ROBO2: variants seen among roughly 807,000 people sequenced by gnomAD.
ROBO2 encodes the protein roundabout homolog 2.
A neutral mutation model predicts 160.8 loss-of-function variants in ROBO2; 53 were observed. The ratio of observed to expected loss-of-function variants is 0.33; its 90% CI spans 0.26 to 0.41. The LOEUF is 0.41. Ranked by LOEUF, ROBO2 falls within the 10% of genes least tolerant of loss-of-function variation. The pLI, the probability that ROBO2 is intolerant of heterozygous loss-of-function variation, is 1.00. For missense variants in ROBO2, 1,577 were observed against 1,722.4 expected, an observed-to-expected ratio of 0.92 and a Z score of 1.49; for synonymous variants, 664 against 611.7, an observed-to-expected ratio of 1.09 and a Z score of -1.26.
intron 2 of ROBO2, among the ~76,000 whole-genome samples, chr3:76,673,395 T>A (rs1411768408): frequency 6.6e-6 from 1 of 151,730 alleles, no homozygotes; most frequent in Non-Finnish European, 1.5e-5. Flanking sequence ...ACTCTGAGAG[T>A]TCGCATTTTT....
chr3:76,965,921 C>CT (rs1168083048), intron 2 of ROBO2, among the ~76,000 whole-genome samples: 24,000 of 113,996 alleles, frequency 0.21, 3,093 homozygotes, highest in South Asian at 0.31. Context: ...GGCATATTTT[C>CT]TTTTTTTTTT....
At chr3:76,588,599 G>A (rs2086211835) in intron 2 of ROBO2, among the ~76,000 whole-genome samples, 1 of 152,082 alleles carries the variant, frequency 6.6e-6, no homozygotes, top group Admixed American at 6.6e-5. Flanking sequence ...AGCATATATT[G>A]GAAAACGTTA....
intron 16 of ROBO2, among the ~76,000 whole-genome samples, chr3:77,581,916 C>T (rs1218508006): frequency 1.3e-5 from 2 of 151,942 alleles, no homozygotes; most frequent in Non-Finnish European, 2.9e-5. Context: ...GTTTTGGCTA[C>T]TTTGTTTTAC....
Position 76,023,342 on chromosome 3 carries a change from A to G in ROBO2, c.109+85740A>G, listed in dbSNP as rs117589172. Among the ~76,000 whole-genome samples, 1,059 of 151,836 alleles carry G rather than the reference A, an allele frequency of 7.0e-3. 73 individuals are homozygous for G. In the East Asian group the frequency reaches 0.17, roughly 25 times the overall value. On this transcript the variant is annotated intron_variant, in intron 2 of 26. Coordinates refer to the ROBO2 transcript ENST00000487694. ...AGCTTTTAGCCTCTCTCAGCTTTCA[A>G]CATGCCTTCTTCATTAAGTTTAATC... is the stretch of plus-strand genomic sequence containing the variant.
intron 6 of ROBO2, among the ~76,000 whole-genome samples, chr3:77,533,014 T>C (rs2091859378): frequency 6.6e-6 from 1 of 152,218 alleles, no homozygotes; most frequent in Non-Finnish European, 1.5e-5. Context: ...TCGTTTTGCA[T>C]AGATTTTGTT....
rs184887124 is a variant in ROBO2, at chr3:77,163,819, A to T, written c.388+65479A>T. Among the ~76,000 whole-genome samples the T allele has an allele frequency of 1.9e-3, 292 of 152,108 alleles. 1 individual carries two copies. The highest frequency in any genetic ancestry group is 2.9e-3 in the African/African-American group (120 of 41,494). ...GAATATCTTACTGTTACTTTTTTTA[A>T]AAAAAAATCTATATTTCAAACTTAT... On this transcript the variant is annotated intron_variant, in intron 2 of 25. Coordinates refer to ENST00000461745, the Ensembl canonical transcript of ROBO2.
intron 1 of ROBO2, among the ~76,000 whole-genome samples, chr3:77,079,056 C>A (rs1204267617): frequency 6.6e-6 from 1 of 152,140 alleles, no homozygotes; most frequent in East Asian, 1.9e-4. Context: ...GAAGGCTTCT[C>A]CCGCCTCAGC....
At chr3:76,119,871 T>TCCTTCCCTTCCTTC (rs150906854) in intron 2 of ROBO2, among the ~76,000 whole-genome samples, 1 of 138,464 alleles carries the variant, frequency 7.2e-6, no homozygotes, top group Non-Finnish European at 1.5e-5. Context: ...TCCCTCCCCT[T>TCCTTCCCTTCCTTC]CCTTCCCTTC....
chr3:76,552,843 G>T (rs1456782671), intron 2 of ROBO2, among the ~76,000 whole-genome samples: 2 of 152,192 alleles, frequency 1.3e-5, no homozygotes, highest in African/African-American at 4.8e-5. Flanking sequence ...GTTTAGTAAT[G>T]GGAGTGTGAG....
At chr3:77,576,230 A>G (rs540046695) in intron 14 of ROBO2, among the ~76,000 whole-genome samples, 29 of 152,202 alleles carry the variant, frequency 1.9e-4, no homozygotes, top group African/African-American at 6.0e-4. Context: ...AAAGACCAGT[A>G]CTCTATTAAC....
chr3:76,915,145 G>T (rs1249995183), intron 2 of ROBO2, among the ~76,000 whole-genome samples: 1 of 151,788 alleles, frequency 6.6e-6, no homozygotes, highest in African/African-American at 2.4e-5. Flanking sequence ...ATTTCTTGTT[G>T]TTCTCCCCTG....
intron 2 of ROBO2, among the ~76,000 whole-genome samples, chr3:76,194,564 C>G (rs1702170739): frequency 1.3e-5 from 2 of 151,124 alleles, no homozygotes; most frequent in Admixed American, 1.3e-4. Flanking sequence ...TAAATTAAGA[C>G]AAAACAGCAA....
Position 77,026,598 on chromosome 3 carries a change from G to A in ROBO2, c.110-71416G>A, listed in dbSNP as rs565307592. Among the ~76,000 whole-genome samples, 31 of 152,282 alleles carry A rather than the reference G, an allele frequency of 2.0e-4. 1 individual carries two copies. Among genetic ancestry groups the A allele is most frequent in the African/African-American group, 6.7e-4 (28 of 41,552 alleles). Reference sequence around the variant, plus strand: ...AGGGCTCAGACTCAATTATTGATACGAGAGGTGAAATCCTTCGAAATATCT... The same window carrying A: ...AGGGCTCAGACTCAATTATTGATACAAGAGGTGAAATCCTTCGAAATATCT... On this transcript the variant is annotated intron_variant, in intron 2 of 26. Transcript: ENST00000487694.
intron 2 of ROBO2, among the ~76,000 whole-genome samples, chr3:76,826,055 T>G (rs1466602455): frequency 1.7e-5 from 2 of 121,122 alleles, no homozygotes; most frequent in Admixed American, 8.3e-5. Flanking sequence ...GTTTGTGGGT[T>G]TTTTTTTTTT....
intron 2 of ROBO2, among the ~76,000 whole-genome samples, chr3:76,964,125 T>A (rs1217828730): frequency 6.6e-6 from 1 of 152,172 alleles, no homozygotes; most frequent in Admixed American, 6.5e-5. Context: ...CAGTGAAGTA[T>A]GACATTTTGG....
chr3:77,596,808 T>C, intron 19 of ROBO2, 58 bp downstream of exon 20: 1 of 1,558,652 alleles, frequency 6.4e-7, no homozygotes, highest in Non-Finnish European at 8.7e-7. Flanking sequence ...TTTTTTTTTT[T>C]GACCTTCCTG....
At chr3:77,209,850 A>G (rs1379054070) in intron 2 of ROBO2, among the ~76,000 whole-genome samples, 1 of 152,116 alleles carries the variant, frequency 6.6e-6, no homozygotes, top group East Asian at 1.9e-4. Flanking sequence ...ACTCAGAAAT[A>G]CTTACTTATT....
chr3:77,268,143 A>C (rs577142143), intron 2 of ROBO2, among the ~76,000 whole-genome samples: 2 of 152,328 alleles, frequency 1.3e-5, no homozygotes, highest in African/African-American at 4.8e-5. Flanking sequence ...TTACTGTTAT[A>C]ACATAATTCT....
intron 2 of ROBO2, among the ~76,000 whole-genome samples, chr3:76,539,195 G>T (rs1225743615): frequency 6.6e-6 from 1 of 152,006 alleles, no homozygotes. Flanking sequence ...GGCCTGTCGG[G>T]GGATGAGAGG....
Sources: gnomAD v4.1 joint callset for allele counts (sites outside exome capture counted in the v4.1 genomes callset) on GRCh38, gnomAD v4.1.1 for gene constraint, MANE v1.5 for transcripts, NCBI Gene and HGNC (gene_info 2026-07-23, HGNC 2026-07-21) for gene names.